The following IL36B variants were observed in gnomAD, a reference collection of about 807,000 sequenced individuals.
The protein encoded by IL36B is interleukin-36 beta.
A neutral mutation model predicts 19.3 loss-of-function variants in IL36B; 23 were observed. The ratio of observed to expected loss-of-function variants is 1.19; its 90% CI spans 0.86 to 1.69. The LOEUF is 1.69. Ranked by LOEUF, IL36B falls within the 40% of genes most tolerant of loss-of-function variation. The probability of loss-of-function intolerance (pLI) is 0.00; values close to 1 mark genes in which losing one functional copy is unlikely to be tolerated. For synonymous variants in IL36B, 59 were observed against 59.7 expected (o/e 0.99, Z 0.05); for missense variants, 217 against 200.5 (o/e 1.08, Z -0.50).
chr2:113,046,272 C>T (rs1222537272), intron 1 of IL36B, among the ~76,000 whole-genome samples: 1 of 147,648 alleles, frequency 6.8e-6, no homozygotes, highest in Non-Finnish European at 1.5e-5. Flanking sequence ...TGCAGTGGCA[C>T]CATCTCGGCT....
chr2:113,041,988 T>C (rs1373917001), intron 1 of IL36B, among the ~76,000 whole-genome samples: 1 of 152,202 alleles, frequency 6.6e-6, no homozygotes, highest in Non-Finnish European at 1.5e-5. Context: ...GGAGGCTTTT[T>C]CCAGGGAGCT....
rs781518301 is a variant in IL36B, at chr2:113,022,696, A to T, written c.473T>A (p.Ile158Lys). The T allele has an allele frequency of 1.2e-6, 2 of 1,608,708 alleles. No homozygotes were observed. The highest frequency in any genetic ancestry group is 2.7e-5 in the African/African-American group (2 of 74,798). ...TTTCTACATCCTTCCTGGCATTCCT[A>T]TGTTGGTCCGCATGGATGAGAAATC... The change falls in exon 6 of 6, where the codon ATA becomes AAA. Residue 158 changes from isoleucine (I) to lysine (K), a missense_variant. Transcript: ENST00000259213.
chr2:113,035,888 G>A (rs144502914), intron 1 of IL36B, among the ~76,000 whole-genome samples: 104 of 152,290 alleles, frequency 6.8e-4, no homozygotes, highest in African/African-American at 2.4e-3. Flanking sequence ...CCTCAGGAGA[G>A]TAGGATTTGG....
rs534679211 is a variant in IL36B at position 113,041,447 on chromosome 2, C to T, written c.-57-9681G>A. Reference sequence around the variant, plus strand: ...TCACACATAATACTGAAAATTTAATCGAGGTGAATTACAGACCTAAACATG... The same window carrying T: ...TCACACATAATACTGAAAATTTAATTGAGGTGAATTACAGACCTAAACATG... On this transcript the variant is annotated intron_variant, in intron 1 of 5. Coordinates refer to ENST00000259213, the MANE Select transcript of IL36B (RefSeq NM_014438.5). Among the ~76,000 whole-genome samples, 33 of 152,074 alleles carry T rather than the reference C, an allele frequency of 2.2e-4. 1 individual carries two copies. The highest frequency in any genetic ancestry group is 2.5e-4 in the Non-Finnish European group (17 of 68,020).
intron 1 of IL36B, among the ~76,000 whole-genome samples, chr2:113,034,270 C>T (rs1161162478): frequency 6.6e-6 from 1 of 152,090 alleles, no homozygotes. Context: ...GGGAGTTTTT[C>T]CTGTTCCTCT....
intron 1 of IL36B, among the ~76,000 whole-genome samples, chr2:113,034,076 C>T (rs1209169256): frequency 6.6e-6 from 1 of 152,216 alleles, no homozygotes; most frequent in East Asian, 1.9e-4. Context: ...GTATGACTCT[C>T]TTGCACAGAA....
chr2:113,042,017 C>T (rs905072074), intron 1 of IL36B, among the ~76,000 whole-genome samples: 2 of 152,220 alleles, frequency 1.3e-5, no homozygotes, highest in African/African-American at 4.8e-5. Context: ...TGACAAAGGA[C>T]ATCTGATATG....
At chr2:113,050,381 G>A (rs1356980724) in intron 1 of IL36B, among the ~76,000 whole-genome samples, 1 of 152,090 alleles carries the variant, frequency 6.6e-6, no homozygotes, top group African/African-American at 2.4e-5. Context: ...CCACGTATAT[G>A]AGGCGCCTAA....
At chr2:113,024,678 G>A (rs1684921637) in intron 5 of IL36B, among the ~76,000 whole-genome samples, 1 of 152,168 alleles carries the variant, frequency 6.6e-6, no homozygotes, top group South Asian at 2.1e-4. Flanking sequence ...GAGGGCACAG[G>A]TGGTGTGATG....
At position 113,022,732 on chromosome 2, in the gene IL36B, T is replaced by C. The variant is rs768808533; in HGVS notation, c.437A>G (p.Lys146Arg). Residue 146 changes from lysine (K) to arginine (R), a missense_variant, in exon 6 of 6, where the codon AAG becomes AGG. Physicochemically the swap from Lys to Arg is conservative, Grantham distance 26 (BLOSUM62 2). Transcript: ENST00000259213. ...CATGGATGAGAAATCTTTGTCCTTC[T>C]TCCTGAGATGGTGATGTTGAAAGGA... is the stretch of plus-strand genomic sequence containing the variant. The C allele has an allele frequency of 1.2e-6, 2 of 1,613,506 alleles. No individual in the cohort carries two copies. Among genetic ancestry groups the C allele is most frequent in the Middle Eastern group, 1.6e-4 (1 of 6,062 alleles).
chr2:113,039,692 G>C (rs1685221927), intron 1 of IL36B, among the ~76,000 whole-genome samples: 1 of 152,088 alleles, frequency 6.6e-6, no homozygotes, highest in Admixed American at 6.6e-5. Flanking sequence ...ATTAAAGCAT[G>C]GTAGGAATAA....
intron 1 of IL36B, among the ~76,000 whole-genome samples, chr2:113,050,589 G>T (rs1026966296): frequency 1.3e-5 from 2 of 151,956 alleles, no homozygotes; most frequent in African/African-American, 4.8e-5. Context: ...ACTTAAAAAT[G>T]GTTAAAATGG....
intron 2 of IL36B, among the ~76,000 whole-genome samples, chr2:113,031,488 C>G (rs1446909217): frequency 2.0e-5 from 3 of 152,060 alleles, no homozygotes; most frequent in Non-Finnish European, 4.4e-5. Flanking sequence ...TTAAAATCCT[C>G]TCATCAAAAT....
chr2:113,049,774 G>C (rs1275406671), intron 1 of IL36B, among the ~76,000 whole-genome samples: 2 of 151,998 alleles, frequency 1.3e-5, no homozygotes, highest in Non-Finnish European at 2.9e-5. Context: ...GGTCACCATG[G>C]TGAAACCCTG....
intron 4 of IL36B, chr2:113,027,739 G>GAAAT: frequency 6.9e-7 from 1 of 1,444,758 alleles, no homozygotes; most frequent in South Asian, 1.5e-5. Flanking sequence ...TCTTGGTACA[G>GAAAT]AAATGGATGT....
chr2:113,037,376 G>A (rs1685182880), intron 1 of IL36B, among the ~76,000 whole-genome samples: 1 of 152,202 alleles, frequency 6.6e-6, no homozygotes, highest in Non-Finnish European at 1.5e-5. Context: ...GAGGCTGGGT[G>A]TGGTGGCTCA....
chr2:113,027,356 A>C (rs1318632381), intron 4 of IL36B, 77 bp downstream of exon 5: 1 of 488,620 alleles, frequency 2.0e-6, no homozygotes, highest in Non-Finnish European at 2.7e-6. Flanking sequence ...GGACCTGTGC[A>C]GTTCAAAATC....
At chr2:113,046,441 C>T (rs530216909) in intron 1 of IL36B, among the ~76,000 whole-genome samples, 5 of 152,252 alleles carry the variant, frequency 3.3e-5, no homozygotes, top group Admixed American at 2.6e-4. Context: ...GATCTCCTGA[C>T]CTCGTGATCC....
intron 1 of IL36B, among the ~76,000 whole-genome samples, chr2:113,051,953 T>C (rs1685454428): frequency 7.8e-6 from 1 of 128,182 alleles, no homozygotes; most frequent in Non-Finnish European, 1.7e-5. Context: ...CCCTCTCTCC[T>C]TTTTTTTTTT....
Sources: gnomAD v4.1 joint callset for allele counts (sites outside exome capture counted in the v4.1 genomes callset) on GRCh38, gnomAD v4.1.1 for gene constraint, MANE v1.5 for transcripts, NCBI Gene and HGNC (gene_info 2026-07-23, HGNC 2026-07-21) for gene names.